Variants in KCNQ5 observed in about 807,000 individuals in gnomAD.
The protein encoded by KCNQ5 is potassium voltage-gated channel subfamily KQT member 5.
KCNQ5 carries 30 observed loss-of-function variants against 98.2 expected under a neutral mutation model. The ratio of observed to expected loss-of-function variants is 0.31; its 90% confidence interval spans 0.23 to 0.41. The LOEUF (loss-of-function observed/expected upper bound fraction) is 0.41. Ranked by LOEUF, KCNQ5 falls within the 10% of genes least tolerant of loss-of-function variation. The pLI is 1.00. For synonymous variants in KCNQ5, 458 were observed against 449.4 expected (o/e 1.02, Z -0.24); for missense variants, 835 against 1,182.5 (o/e 0.71, Z 4.31).
intron 1 of KCNQ5, among the ~76,000 whole-genome samples, chr6:72,747,902 G>A (rs753773168): frequency 4.6e-5 from 7 of 152,156 alleles, no homozygotes; most frequent in Non-Finnish European, 7.4e-5. Flanking sequence ...CTTAAGTAGT[G>A]AGAGATGAAG....
At chr6:72,747,748 A>G (rs2154476447) in intron 1 of KCNQ5, among the ~76,000 whole-genome samples, 1 of 152,310 alleles carries the variant, frequency 6.6e-6, no homozygotes, top group African/African-American at 2.4e-5. Context: ...ATCTTAAAAT[A>G]ATTCTTATAC....
chr6:72,732,155 G>T (rs962387292), intron 1 of KCNQ5, among the ~76,000 whole-genome samples: 1 of 152,150 alleles, frequency 6.6e-6, no homozygotes, highest in Non-Finnish European at 1.5e-5. Flanking sequence ...TTAAGACATA[G>T]TCCCTGCCTT....
At chr6:72,920,294 A>G (rs538772023) in intron 1 of KCNQ5, among the ~76,000 whole-genome samples, 25 of 152,248 alleles carry the variant, frequency 1.6e-4, no homozygotes, top group Admixed American at 5.2e-4. Flanking sequence ...ACTATATCAA[A>G]AAAAGGGGGG....
chr6:73,004,301 T>C (rs980968937), intron 2 of KCNQ5, among the ~76,000 whole-genome samples: 1 of 152,186 alleles, frequency 6.6e-6, no homozygotes, highest in African/African-American at 2.4e-5. Context: ...ATAAACAAAT[T>C]ATATAAGAAG....
intron 1 of KCNQ5, among the ~76,000 whole-genome samples, chr6:72,829,008 A>T (rs1183107472): frequency 6.6e-6 from 1 of 152,160 alleles, no homozygotes; most frequent in African/African-American, 2.4e-5. Flanking sequence ...ACATATATAG[A>T]TATATTTATA....
chr6:72,956,445 G>T (rs1767056355), intron 1 of KCNQ5, among the ~76,000 whole-genome samples: 1 of 149,452 alleles, frequency 6.7e-6, no homozygotes, highest in Non-Finnish European at 1.5e-5. Context: ...GGGCTGGGGG[G>T]AAGATTTAAA....
intron 10 of KCNQ5, among the ~76,000 whole-genome samples, chr6:73,144,146 C>G (rs1194685772): frequency 1.3e-5 from 2 of 152,132 alleles, no homozygotes; most frequent in African/African-American, 4.8e-5. Context: ...CCTTTTTCTG[C>G]AATGGATGAC....
intron 1 of KCNQ5, among the ~76,000 whole-genome samples, chr6:72,750,810 A>C (rs1771641045): frequency 6.6e-6 from 1 of 152,072 alleles, no homozygotes; most frequent in South Asian, 2.1e-4. Flanking sequence ...ACAGGGTGTA[A>C]TTTGTTCAAA....
In KCNQ5 at chr6:73,074,228, C is replaced by T. The variant is rs529683597; in HGVS notation, c.617-3094C>T. On this transcript the variant is annotated intron_variant, in intron 3 of 13. Transcript: ENST00000370398. ...TAGTAGATCACAAAAATAGTAAATA[C>T]ATAAATAGAAGTAAAAATAAAGACT... Among the ~76,000 whole-genome samples the T allele has an allele frequency of 4.6e-5, 7 of 152,082 alleles. No individual in the cohort carries two copies. In the South Asian group the frequency reaches 1.5e-3, roughly 32 times the overall value.
In KCNQ5 at chr6:73,096,336, CA is replaced by C. The variant is rs151045845; in HGVS notation, c.919-8904del. Among the ~76,000 whole-genome samples the C allele has an allele frequency of 5.2e-3, 598 of 115,270 alleles. 7 individuals are homozygous for C. The highest frequency in any genetic ancestry group is 0.019 in the African/African-American group (536 of 28,294). The allele number at this position is 115,270 out of a possible 152,430, so 75.6% of individuals were successfully genotyped here. ...AAAAGCAAGGGCAAAGGTCCTTAGG[CA>C]AAAAAAAAAAAAAAAAGAGCTTGGT... is the stretch of plus-strand genomic sequence containing the variant. On this transcript the variant is annotated intron_variant, in intron 5 of 13. Transcript: ENST00000370398.
intron 1 of KCNQ5, among the ~76,000 whole-genome samples, chr6:72,965,808 G>T (rs1582102266): frequency 6.6e-6 from 1 of 152,196 alleles, no homozygotes; most frequent in East Asian, 1.9e-4. Context: ...CTTGAAAAGT[G>T]CTATTTGTAA....
rs1337587373 is a variant in KCNQ5 at position 73,077,455 on chromosome 6, C to T, written c.750C>T (p.Gly250=). 7.4e-6 allele frequency: 12 copies of T among 1,613,974 alleles called. No individual in the cohort carries two copies. Among genetic ancestry groups the T allele is most frequent in the Non-Finnish European group, 9.3e-6 (11 of 1,179,994 alleles). Residue 250 remains glycine, a synonymous_variant, in exon 4 of 14, where the codon GGC becomes GGT. Coordinates refer to ENST00000370398, the MANE Select transcript of KCNQ5 (RefSeq NM_019842.4). The stretch of plus-strand genomic sequence containing the variant: ...TGGTGCGCATGGACCGAAGGGGAGG[C>T]ACTTGGAAATTACTGGGTTCAGTGG... ...LRMVRMDRRG[G]TWKLLGSVVY... is the part of the protein sequence containing the mutation.
At chr6:73,040,020 C>T (rs1771618128) in intron 2 of KCNQ5, among the ~76,000 whole-genome samples, 2 of 143,578 alleles carry the variant, frequency 1.4e-5, no homozygotes, top group South Asian at 2.1e-4. Flanking sequence ...TTTCCCCTCA[C>T]CTTCTTAAAA....
intron 5 of KCNQ5, among the ~76,000 whole-genome samples, chr6:73,079,982 C>T (rs1199814745): frequency 6.6e-6 from 1 of 152,196 alleles, no homozygotes; most frequent in African/African-American, 2.4e-5. Flanking sequence ...CCAGGTGCCC[C>T]TTTTGCCACT....
At chr6:72,944,065 A>T (rs1766428301) in intron 1 of KCNQ5, among the ~76,000 whole-genome samples, 1 of 152,208 alleles carries the variant, frequency 6.6e-6, no homozygotes. Flanking sequence ...GTCTTCAACC[A>T]CTAATCTACA....
At chr6:73,080,042 T>C (rs1038213050) in intron 5 of KCNQ5, among the ~76,000 whole-genome samples, 1 of 152,232 alleles carries the variant, frequency 6.6e-6, no homozygotes, top group East Asian at 1.9e-4. Context: ...ATCTTTCTTT[T>C]TATTAGTCTT....
chr6:72,724,596 A>G (rs569308476), intron 1 of KCNQ5, among the ~76,000 whole-genome samples: 3 of 152,128 alleles, frequency 2.0e-5, no homozygotes, highest in Non-Finnish European at 4.4e-5. Context: ...CACACACACC[A>G]CATGTGAATT....
At chr6:72,685,266 C>A (rs1582111871) in intron 1 of KCNQ5, among the ~76,000 whole-genome samples, 1 of 152,306 alleles carries the variant, frequency 6.6e-6, no homozygotes, top group East Asian at 1.9e-4. Flanking sequence ...AAGTTTCTGG[C>A]TACTCACTAA....
chr6:72,713,855 C>G (rs1378577900), intron 1 of KCNQ5, among the ~76,000 whole-genome samples: 1 of 152,148 alleles, frequency 6.6e-6, no homozygotes, highest in East Asian at 1.9e-4. Context: ...GACTCTCTTG[C>G]CTTTCTAGCT....
Sources: allele counts gnomAD v4.1 joint callset (sites outside exome capture counted in the v4.1 genomes callset), GRCh38; gene constraint gnomAD v4.1.1; transcripts MANE v1.5; gene names NCBI Gene and HGNC (gene_info 2026-07-23, HGNC 2026-07-21).